GALNT13: variants seen among roughly 807,000 people sequenced by gnomAD.
GALNT13 encodes the protein UDP-GalNAc:polypeptide N-acetylgalactosaminyltransferase 13.
In GALNT13, 28 loss-of-function variants were observed where a neutral mutation model predicts 64.2. That is an observed-to-expected ratio of 0.44 (90% confidence interval 0.32 to 0.60). The LOEUF (loss-of-function observed/expected upper bound fraction) is 0.60. GALNT13 is among the 20% of genes least tolerant of loss of function. GALNT13 has a pLI of 0.05. For missense variants in GALNT13, 577 were observed against 669.8 expected (o/e 0.86, Z 1.53); for synonymous variants, 214 against 224.6 (o/e 0.95, Z 0.42).
chr2:154,242,306 TATTTGC>T, intron 5 of GALNT13, 110 bp downstream of exon 5: 1 of 898,434 alleles, frequency 1.1e-6, no homozygotes, highest in Non-Finnish European at 1.7e-6. Flanking sequence ...CAATGATCTA[TATTTGC>T]ATTATAATTT....
chr2:153,179,798 A>G, the GALNT13 span, among the ~76,000 whole-genome samples: 9,801 of 152,220 alleles, frequency 0.064, 437 homozygotes, highest in Non-Finnish European at 0.095. Flanking sequence ...TAGTTATTGT[A>G]AATGAGACTG....
the GALNT13 span, among the ~76,000 whole-genome samples, chr2:153,541,884 T>C: frequency 2.0e-5 from 3 of 152,230 alleles, no homozygotes; most frequent in African/African-American, 7.2e-5. Flanking sequence ...TTGTGTTATA[T>C]GAAACTATGA....
At chr2:153,181,030 C>CTTTTTTTTTTTT in the GALNT13 span, among the ~76,000 whole-genome samples, 23 of 32,068 alleles carry the variant, frequency 7.2e-4, no homozygotes, top group Non-Finnish European at 8.8e-4. Context: ...TTTATTGTTT[C>CTTTTTTTTTTTT]TTTTTTTTTT....
chr2:153,854,834 A>G, the GALNT13 span, among the ~76,000 whole-genome samples: 1 of 152,212 alleles, frequency 6.6e-6, no homozygotes, highest in African/African-American at 2.4e-5. Flanking sequence ...CATAAATGCA[A>G]AGGGCCAAAA....
At chr2:154,154,720 G>T (rs1684296137) in intron 4 of GALNT13, among the ~76,000 whole-genome samples, 1 of 152,084 alleles carries the variant, frequency 6.6e-6, no homozygotes, top group South Asian at 2.1e-4. Context: ...ATGGCATGCG[G>T]TTGAATTTTC....
At chr2:153,219,764 C>T in the GALNT13 span, among the ~76,000 whole-genome samples, 1 of 151,864 alleles carries the variant, frequency 6.6e-6, no homozygotes, top group African/African-American at 2.4e-5. Context: ...CTCCAGATAA[C>T]AAATTGGTTT....
chr2:153,248,100 G>A, the GALNT13 span, among the ~76,000 whole-genome samples: 3 of 152,198 alleles, frequency 2.0e-5, no homozygotes, highest in African/African-American at 7.2e-5. Flanking sequence ...AGCCTAGAAT[G>A]AGACAGATTC....
the GALNT13 span, among the ~76,000 whole-genome samples, chr2:153,447,727 T>C: frequency 3.0e-4 from 45 of 152,338 alleles, no homozygotes; most frequent in African/African-American, 1.1e-3. Flanking sequence ...TAATTTGTAA[T>C]ATAAATTATG....
rs983539360 is a variant in GALNT13, at chr2:153,944,485, A to G, written c.-13A>G. On this transcript the variant is annotated 5_prime_UTR_variant, in exon 3 of 13. Transcript: ENST00000392825. ...TCTTCAATCTGTGTGTTAACTAGAAATCAAGGAAAGACATGAGGAGATTTG... is the reference window on the plus strand; with the variant it reads ...TCTTCAATCTGTGTGTTAACTAGAAGTCAAGGAAAGACATGAGGAGATTTG... 4 of 1,610,642 alleles carry G rather than the reference A, an allele frequency of 2.5e-6. No individual in the cohort carries two copies. The highest frequency in any genetic ancestry group is 3.4e-6 in the Non-Finnish European group (4 of 1,178,248).
the GALNT13 span, among the ~76,000 whole-genome samples, chr2:153,659,567 T>C: frequency 4.6e-5 from 7 of 152,234 alleles, no homozygotes; most frequent in East Asian, 1.3e-3. Flanking sequence ...AAATACACTA[T>C]GACAAGTTCT....
At chr2:153,250,926 T>C in the GALNT13 span, among the ~76,000 whole-genome samples, 1 of 150,248 alleles carries the variant, frequency 6.7e-6, no homozygotes, top group Non-Finnish European at 1.5e-5. Flanking sequence ...ACCTAATGCA[T>C]GCAGGGCTTA....
rs968514634 is a variant in GALNT13 at position 154,072,102 on chromosome 2, C to T, written c.143-68235C>T. Among the ~76,000 whole-genome samples the T allele has an allele frequency of 4.6e-5, 7 of 152,022 alleles. No homozygotes were observed. The East Asian group carries it at 1.4e-3, about 29-fold the overall frequency. On this transcript the variant is annotated intron_variant, in intron 3 of 12. Transcript: ENST00000392825. The stretch of plus-strand genomic sequence containing the variant: ...TAAAGTGCAAAACTAACATCTGTAC[C>T]ACATGATAAAACTATGGAAAACATG...
intron 3 of GALNT13, among the ~76,000 whole-genome samples, chr2:154,012,643 G>A (rs980844665): frequency 2.0e-5 from 3 of 152,090 alleles, no homozygotes; most frequent in Non-Finnish European, 4.4e-5. Flanking sequence ...TTTGTGGACT[G>A]TATCCTCAAA....
the GALNT13 span, among the ~76,000 whole-genome samples, chr2:153,277,228 C>T: frequency 1.3e-5 from 2 of 152,100 alleles, no homozygotes; most frequent in African/African-American, 4.8e-5. Flanking sequence ...CTAGTACTTG[C>T]CAGTGTCTAT....
At chr2:153,533,840 T>C in the GALNT13 span, among the ~76,000 whole-genome samples, 1 of 150,864 alleles carries the variant, frequency 6.6e-6, no homozygotes, top group Non-Finnish European at 1.5e-5. Context: ...ATTTCTGTTA[T>C]TGTGTTTTTG....
At chr2:153,814,962 T>A in the GALNT13 span, among the ~76,000 whole-genome samples, 1 of 152,284 alleles carries the variant, frequency 6.6e-6, no homozygotes, top group African/African-American at 2.4e-5. Context: ...TGTCAAAAAA[T>A]TTTTCTGCAT....
the GALNT13 span, among the ~76,000 whole-genome samples, chr2:153,765,832 G>T: frequency 6.6e-6 from 1 of 152,258 alleles, no homozygotes; most frequent in South Asian, 2.1e-4. Flanking sequence ...TGTTCTAATT[G>T]TAGTCAGTAA....
the GALNT13 span, among the ~76,000 whole-genome samples, chr2:153,688,609 C>G: frequency 6.6e-6 from 1 of 151,842 alleles, no homozygotes; most frequent in Non-Finnish European, 1.5e-5. Context: ...CATTATCACC[C>G]AAAGGTAGGT....
chr2:154,450,449 C>A lies in GALNT13; in HGVS notation c.1569C>A (p.Leu523=), dbSNP rs371789307. The change falls in exon 13 of 13, where the codon CTC becomes CTA. Residue 523 remains leucine (L), a synonymous_variant. Coordinates refer to ENST00000392825, the MANE Select transcript of GALNT13 (RefSeq NM_052917.4). ...TLRHVNSNQC[L]DEPSEEDKMV... Reference sequence around the variant, plus strand: ...GACATGTTAACAGTAACCAATGTCTCGATGAACCTTCTGAAGAAGACAAAA... The same window carrying A: ...GACATGTTAACAGTAACCAATGTCTAGATGAACCTTCTGAAGAAGACAAAA... 2 of 1,612,460 alleles carry A rather than the reference C, an allele frequency of 1.2e-6. No individual in the cohort carries two copies. The highest frequency in any genetic ancestry group is 1.7e-6 in the Non-Finnish European group (2 of 1,179,076).
Sources: allele counts gnomAD v4.1 joint callset (sites outside exome capture counted in the v4.1 genomes callset), GRCh38; gene constraint gnomAD v4.1.1; transcripts MANE v1.5; gene names NCBI Gene and HGNC (gene_info 2026-07-23, HGNC 2026-07-21).